Variants in MAST2 observed in about 807,000 individuals in gnomAD.
MAST2 encodes microtubule associated serine/threonine kinase 2.
A neutral mutation model predicts 147.4 loss-of-function variants in MAST2; 70 were observed. That is an observed-to-expected ratio of 0.47 (90% CI 0.39 to 0.58). The LOEUF (loss-of-function observed/expected upper bound fraction) is 0.58, where lower values mean the gene tolerates loss of function less well. Among genes scored for constraint, MAST2 ranks in the 20% least tolerant of loss-of-function variants. The probability of loss-of-function intolerance (pLI) is 0.00; values close to 1 mark genes in which losing one functional copy is unlikely to be tolerated. For synonymous variants in MAST2, 869 were observed against 896.8 expected (o/e 0.97, Z 0.55); for missense variants, 2,080 against 2,302.3 (o/e 0.90, Z 1.98).
chr1:45,840,874 T>C (rs1009673669), intron 3 of MAST2, among the ~76,000 whole-genome samples: 2 of 152,214 alleles, frequency 1.3e-5, no homozygotes, highest in African/African-American at 4.8e-5. Context: ...TCTGTTTCTC[T>C]GGCTATAAAT....
At chr1:45,952,422 G>C (rs913832146) in intron 4 of MAST2, among the ~76,000 whole-genome samples, 2 of 152,150 alleles carry the variant, frequency 1.3e-5, no homozygotes, top group East Asian at 3.9e-4. Flanking sequence ...GTTTCTTTTT[G>C]GCAATGAAAA....
chr1:46,011,299 T>C (rs1465083728), intron 10 of MAST2, among the ~76,000 whole-genome samples: 1 of 152,148 alleles, frequency 6.6e-6, no homozygotes, highest in Non-Finnish European at 1.5e-5. Context: ...CTACTGGAAA[T>C]ACTGGTTTAA....
chr1:45,812,518 C>G (rs1268642890), intron 1 of MAST2, among the ~76,000 whole-genome samples: 1 of 151,788 alleles, frequency 6.6e-6, no homozygotes, highest in Admixed American at 6.6e-5. Flanking sequence ...ACCTCCGCCT[C>G]CCAGGTTCAA....
intron 3 of MAST2, among the ~76,000 whole-genome samples, chr1:45,840,883 A>G (rs1645252100): frequency 6.6e-6 from 1 of 152,198 alleles, no homozygotes; most frequent in African/African-American, 2.4e-5. Flanking sequence ...CTGGCTATAA[A>G]TATAGCCTAC....
intron 6 of MAST2, 111 bp from the exon 7 acceptor site, chr1:46,002,694 A>G: frequency 1.2e-6 from 1 of 840,744 alleles, no homozygotes; most frequent in Non-Finnish European, 2.1e-6. Context: ...TGTCTTAAGG[A>G]GGAGCCCTAC....
chr1:45,934,415 CGCAGAGCTTGCAGTGAGCTGAG>C (rs1368239409), intron 4 of MAST2, among the ~76,000 whole-genome samples: 4 of 151,866 alleles, frequency 2.6e-5, no homozygotes, highest in Admixed American at 6.5e-5. Flanking sequence ...GAACCCAGGA[CGCAGAGCTTGCAGTGAGCTGAG>C]ATTGTGCCAC....
At chr1:45,921,746 GC>G (rs1653531255) in intron 4 of MAST2, among the ~76,000 whole-genome samples, 1 of 152,196 alleles carries the variant, frequency 6.6e-6, no homozygotes, top group Non-Finnish European at 1.5e-5. Flanking sequence ...GGCTCGGGGA[GC>G]TCTCAGGTCT....
At chr1:45,909,936 G>C (rs1240185039) in intron 4 of MAST2, among the ~76,000 whole-genome samples, 1 of 151,890 alleles carries the variant, frequency 6.6e-6, no homozygotes, top group East Asian at 1.9e-4. Context: ...CCTCAGCCAG[G>C]CTGGTCTCGA....
chr1:46,034,835 C>G lies in MAST2; in HGVS notation c.4166C>G (p.Ser1389Ter). ...TCACCTCCCCTGGGCAGGCAACTCTCACGGCCCAAGAGTGCGGAGCCACCC... is the reference window on the plus strand; with the variant it reads ...TCACCTCCCCTGGGCAGGCAACTCTGACGGCCCAAGAGTGCGGAGCCACCC... ...HLSPPLGRQL[S>*]RPKSAEPPRS... Residue 1389 changes from serine to a stop codon, truncating the protein, a stop_gained, in exon 29 of 29, where the codon TCA becomes TGA. Transcript: ENST00000361297. LOFTEE classifies it low-confidence loss of function (END_TRUNC). 1.2e-6 allele frequency: 2 copies of G among 1,614,234 alleles called. No homozygotes were observed. The highest frequency in any genetic ancestry group is 4.5e-5 in the East Asian group (2 of 44,882).
rs751710056 is a variant in MAST2 at position 46,035,560 on chromosome 1, T to C, written c.4891T>C (p.Ser1631Pro). 1.2e-6 allele frequency: 2 copies of C among 1,613,392 alleles called. No individual in the cohort carries two copies. Among genetic ancestry groups the C allele is most frequent in the South Asian group, 1.1e-5 (1 of 91,072 alleles). ...HLHTQALTAL[S>P]PSTSGLTPTS... ...CCACACCCAGGCACTAACAGCACTT[T>C]CTCCCAGCACTTCGGGACTCACCCC... The change falls in exon 29 of 29, where the codon TCT becomes CCT. Residue 1631 changes from serine to proline, a missense_variant. Ser to Pro is a moderately conservative substitution (Grantham distance 74). Coordinates refer to ENST00000361297, the MANE Select transcript of MAST2 (RefSeq NM_015112.3). This position sits in a 1 kb window ranked among gnomAD's most constrained non-coding sequence, Gnocchi z 5.5.
rs577210022 is a variant in MAST2, at chr1:45,829,529, G to A, written c.416G>A (p.Arg139Gln). 2 of 1,614,168 alleles carry A rather than the reference G, an allele frequency of 1.2e-6. No individual in the cohort carries two copies. The highest frequency in any genetic ancestry group is 1.3e-5 in the African/African-American group (1 of 75,048). Residue 139 changes from arginine (R) to glutamine (Q), a missense_variant, in exon 3 of 29, where the codon CGA becomes CAA. By Grantham distance (43) the Arg-to-Gln change is conservative. This residue lies in a region of MAST2 where 569 missense variants were observed against 642.5 expected (regional missense o/e 0.89). Coordinates refer to ENST00000361297, the MANE Select transcript of MAST2 (RefSeq NM_015112.3). ...QSSGEASNLV[R>Q]MRNQSLGQSA... ...TCAGGAGAAGCATCAAACCTGGTTCGAATGAGAAACCAGTCCCTTGGACAG... is the reference window on the plus strand; with the variant it reads ...TCAGGAGAAGCATCAAACCTGGTTCAAATGAGAAACCAGTCCCTTGGACAG...
At chr1:45,936,316 A>G (rs934877678) in intron 4 of MAST2, among the ~76,000 whole-genome samples, 1 of 152,108 alleles carries the variant, frequency 6.6e-6, no homozygotes, top group Non-Finnish European at 1.5e-5. Flanking sequence ...TTTTCTAGGT[A>G]TATAGAATGG....
intron 5 of MAST2, among the ~76,000 whole-genome samples, chr1:45,992,048 C>T (rs1644875325): frequency 1.3e-5 from 2 of 152,108 alleles, no homozygotes; most frequent in African/African-American, 4.8e-5. Context: ...TGCCTTATTG[C>T]ACTGGCTAAG....
chr1:45,930,765 T>C (rs1419385075), intron 4 of MAST2, among the ~76,000 whole-genome samples: 2 of 152,162 alleles, frequency 1.3e-5, no homozygotes, highest in Non-Finnish European at 2.9e-5. Flanking sequence ...ATAAACCCCA[T>C]GAACCAAATG....
intron 4 of MAST2, among the ~76,000 whole-genome samples, chr1:45,943,098 ATAAGGGTATT>A (rs1657544568): frequency 1.3e-5 from 2 of 152,172 alleles, no homozygotes; most frequent in South Asian, 4.1e-4. Context: ...TACATTTGGG[ATAAGGGTATT>A]TAAGTTGAAA....
intron 5 of MAST2, among the ~76,000 whole-genome samples, chr1:45,971,568 T>G (rs1643914699): frequency 1.3e-5 from 2 of 152,220 alleles, no homozygotes; most frequent in South Asian, 4.1e-4. Context: ...CAAGAGCCTG[T>G]TCTTTCTGCA....
intron 3 of MAST2, among the ~76,000 whole-genome samples, chr1:45,877,580 G>T (rs1646660411): frequency 6.6e-6 from 1 of 152,094 alleles, no homozygotes; most frequent in Non-Finnish European, 1.5e-5. Flanking sequence ...AATTGGACAA[G>T]AACAATTTGA....
At chr1:46,002,583 T>C (rs936163512) in intron 6 of MAST2, among the ~76,000 whole-genome samples, 1 of 152,252 alleles carries the variant, frequency 6.6e-6, no homozygotes, top group Non-Finnish European at 1.5e-5. Context: ...TACAAAGTTA[T>C]GGACTATTTT....
intron 2 of MAST2, among the ~76,000 whole-genome samples, chr1:45,826,682 C>T (rs7539932): frequency 0.45 from 67,743 of 151,912 alleles, 15,322 homozygotes; most frequent in East Asian, 0.62. Flanking sequence ...CCCCTCCATG[C>T]TTACTATAGC....
Sources: allele counts gnomAD v4.1 joint callset (sites outside exome capture counted in the v4.1 genomes callset), GRCh38; gene constraint gnomAD v4.1.1; regional missense constraint gnomAD v4.1.1; non-coding constraint Gnocchi (gnomAD v3.1); transcripts MANE v1.5; gene names NCBI Gene and HGNC (gene_info 2026-07-23, HGNC 2026-07-21).